Variants in RALYL observed in about 807,000 individuals in gnomAD.
RALYL encodes the protein RNA-binding Raly-like protein.
In RALYL, 29 loss-of-function variants were observed where a neutral mutation model predicts 35.1. The observed-to-expected ratio is 0.83, with a 90% CI of 0.61 to 1.13. The LOEUF (loss-of-function observed/expected upper bound fraction) is 1.13, where lower values mean the gene tolerates loss of function less well. Among genes scored for constraint, RALYL ranks in the 50% most tolerant of loss-of-function variants. RALYL has a pLI of 0.00. For synonymous variants in RALYL, 120 were observed against 127.6 expected (o/e 0.94, Z 0.40); for missense variants, 359 against 360.4 (o/e 1.00, Z 0.03).
chr8:84,861,271 T>C (rs6473563), intron 5 of RALYL, among the ~76,000 whole-genome samples: 60,297 of 151,976 alleles, frequency 0.4, 12,403 homozygotes, highest in East Asian at 0.63. Flanking sequence ...CACTGGAAAA[T>C]AGTCATGAAA....
chr8:84,504,826 G>A (rs2057024057), intron 1 of RALYL, among the ~76,000 whole-genome samples: 1 of 152,050 alleles, frequency 6.6e-6, no homozygotes, highest in South Asian at 2.1e-4. Context: ...GTTAGTTAAG[G>A]ATAACAAATC....
chr8:84,442,298 G>C (rs1347731667), intron 1 of RALYL, among the ~76,000 whole-genome samples: 2 of 152,000 alleles, frequency 1.3e-5, no homozygotes, highest in African/African-American at 4.8e-5. Flanking sequence ...TGGCTGTTCA[G>C]GTTTTAAATT....
At chr8:84,446,437 G>A (rs1213965934) in intron 1 of RALYL, among the ~76,000 whole-genome samples, 1 of 151,986 alleles carries the variant, frequency 6.6e-6, no homozygotes, top group East Asian at 1.9e-4. Flanking sequence ...CTCTGGAAGG[G>A]CTTTTTAGGG....
intron 2 of RALYL, among the ~76,000 whole-genome samples, chr8:84,707,414 A>G (rs1841410916): frequency 1.3e-5 from 2 of 152,162 alleles, no homozygotes; most frequent in Admixed American, 6.6e-5. Context: ...TGTATCTTTT[A>G]TATATCCCTC....
chr8:84,537,872 G>A (rs1357157608), intron 2 of RALYL, among the ~76,000 whole-genome samples: 6 of 152,152 alleles, frequency 3.9e-5, no homozygotes, highest in African/African-American at 1.4e-4. Flanking sequence ...CCAATATTGT[G>A]CATAATTACT....
At chr8:84,680,918 C>T (rs576202367) in intron 2 of RALYL, among the ~76,000 whole-genome samples, 2 of 152,052 alleles carry the variant, frequency 1.3e-5, no homozygotes, top group Admixed American at 6.5e-5. Flanking sequence ...GACATGAAGT[C>T]CTTGCCCATT....
At chr8:84,504,039 C>T (rs1203247392) in intron 1 of RALYL, among the ~76,000 whole-genome samples, 2 of 151,758 alleles carry the variant, frequency 1.3e-5, no homozygotes, top group African/African-American at 2.4e-5. Flanking sequence ...AATATAAATT[C>T]CTTGCAGATG....
intron 1 of RALYL, among the ~76,000 whole-genome samples, chr8:84,463,677 A>G (rs1004966262): frequency 2.0e-5 from 3 of 152,064 alleles, no homozygotes; most frequent in South Asian, 2.1e-4. Flanking sequence ...GATGATAACA[A>G]TGCTTGCCTT....
intron 1 of RALYL, among the ~76,000 whole-genome samples, chr8:84,362,739 A>G (rs999431355): frequency 6.6e-6 from 1 of 152,154 alleles, no homozygotes; most frequent in Non-Finnish European, 1.5e-5. Context: ...CCTGGTGTAA[A>G]AAATTTGGAG....
At chr8:84,514,415 AGTTT>A (rs1455789923) in intron 1 of RALYL, among the ~76,000 whole-genome samples, 1 of 152,160 alleles carries the variant, frequency 6.6e-6, no homozygotes, top group Non-Finnish European at 1.5e-5. Context: ...AAATGATAGA[AGTTT>A]GTTTCTCACA....
intron 6 of RALYL, among the ~76,000 whole-genome samples, chr8:84,866,970 A>G (rs1033500600): frequency 6.6e-6 from 1 of 152,188 alleles, no homozygotes; most frequent in African/African-American, 2.4e-5. Flanking sequence ...GAGGGCTGCC[A>G]TAACAAAGTA....
intron 2 of RALYL, among the ~76,000 whole-genome samples, chr8:84,573,981 C>A (rs981376566): frequency 6.6e-6 from 1 of 151,736 alleles, no homozygotes. Flanking sequence ...TTCTACTAAC[C>A]TTTCTATTTA....
At chr8:84,556,013 C>T (rs944879197) in intron 2 of RALYL, among the ~76,000 whole-genome samples, 4 of 152,192 alleles carry the variant, frequency 2.6e-5, no homozygotes, top group African/African-American at 9.7e-5. Context: ...CTTGCCTCTA[C>T]AGCATGTCTG....
chr8:84,779,562 A>G (rs1387138141), intron 3 of RALYL, among the ~76,000 whole-genome samples: 3 of 152,178 alleles, frequency 2.0e-5, no homozygotes, highest in African/African-American at 7.2e-5. Flanking sequence ...CAACCTTCCC[A>G]TCCCACCCAG....
chr8:84,388,774 T>A (rs1859872852), intron 1 of RALYL, among the ~76,000 whole-genome samples: 2 of 152,186 alleles, frequency 1.3e-5, no homozygotes, highest in African/African-American at 4.8e-5. Context: ...TGTGAAGATT[T>A]TCTCCCATTT....
At chr8:84,843,636 C>A (rs1451104951) in intron 4 of RALYL, among the ~76,000 whole-genome samples, 2 of 152,106 alleles carry the variant, frequency 1.3e-5, no homozygotes, top group Non-Finnish European at 2.9e-5. Flanking sequence ...TCATATGGAA[C>A]CAAAAAAGAG....
chr8:84,742,963 A>G (rs1294834931), intron 2 of RALYL, among the ~76,000 whole-genome samples: 8 of 152,036 alleles, frequency 5.3e-5, no homozygotes, highest in Admixed American at 5.3e-4. Flanking sequence ...CTTGAATAAC[A>G]TTAAGCATGG....
intron 1 of RALYL, among the ~76,000 whole-genome samples, chr8:84,270,167 A>G (rs772183817): frequency 1.8e-4 from 27 of 152,198 alleles, no homozygotes; most frequent in Non-Finnish European, 3.5e-4. Flanking sequence ...CAAAGAACAA[A>G]TTGTCTTTTA....
At position 84,529,504 on chromosome 8, in the gene RALYL, G is replaced by A; in HGVS notation, c.183G>A (p.Gln61=). 6.2e-7 allele frequency: 1 copy of A among 1,613,514 alleles called. No homozygotes were observed. The highest frequency in any genetic ancestry group is 1.1e-5 in the South Asian group (1 of 91,080). ...CSVHKGYAFV[Q]YMSERHARAA... Reference sequence around the variant, plus strand: ...TTCACAAAGGTTATGCATTTGTACAGTACATGAGTGAGCGACATGCAAGAG... The same window carrying A: ...TTCACAAAGGTTATGCATTTGTACAATACATGAGTGAGCGACATGCAAGAG... Residue 61 remains glutamine, a synonymous_variant, in exon 2 of 9, where the codon CAG becomes CAA. Transcript: ENST00000521268.
Sources: allele counts gnomAD v4.1 joint callset (sites outside exome capture counted in the v4.1 genomes callset), GRCh38; gene constraint gnomAD v4.1.1; transcripts MANE v1.5; gene names NCBI Gene and HGNC (gene_info 2026-07-23, HGNC 2026-07-21).